Variants in LRFN5 observed in about 807,000 individuals in gnomAD.
LRFN5 encodes the protein leucine rich repeat and fibronectin type III domain containing 5, also known as leucine-rich repeat and fibronectin type-III domain-containing protein 5.
In LRFN5, 24 loss-of-function variants were observed where a neutral mutation model predicts 45.6. The ratio of observed to expected loss-of-function variants is 0.53; its 90% CI spans 0.38 to 0.74. The LOEUF is 0.74. Ranked by LOEUF, LRFN5 falls within the 30% of genes least tolerant of loss-of-function variation. The pLI is 0.00. For synonymous variants in LRFN5, 340 were observed against 313.8 expected, an observed-to-expected ratio of 1.08 and a Z score of -0.88; for missense variants, 776 against 861.5, an observed-to-expected ratio of 0.90 and a Z score of 1.24.
chr14:41,773,777 T>A (rs1886177931), intron 2 of LRFN5, among the ~76,000 whole-genome samples: 1 of 152,232 alleles, frequency 6.6e-6, no homozygotes, highest in Non-Finnish European at 1.5e-5. Flanking sequence ...ATATACTTAT[T>A]AGAAGTACCA....
chr14:41,685,209 T>G (rs1882068116), intron 1 of LRFN5, among the ~76,000 whole-genome samples: 1 of 152,122 alleles, frequency 6.6e-6, no homozygotes, highest in African/African-American at 2.4e-5. Flanking sequence ...GAAGGTAAAT[T>G]AGCACAAGTC....
intron 1 of LRFN5, among the ~76,000 whole-genome samples, chr14:41,686,740 C>G (rs1032204981): frequency 6.6e-6 from 1 of 151,708 alleles, no homozygotes; most frequent in African/African-American, 2.4e-5. Context: ...GTCATTGATT[C>G]TGTTTGTGTG....
chr14:41,719,073 T>G (rs1314055629), intron 1 of LRFN5, among the ~76,000 whole-genome samples: 2 of 152,166 alleles, frequency 1.3e-5, no homozygotes, highest in African/African-American at 4.8e-5. Flanking sequence ...TCATCACTTT[T>G]GTGAACTGTC....
intron 1 of LRFN5, among the ~76,000 whole-genome samples, chr14:41,741,402 A>G (rs942001343): frequency 6.6e-6 from 1 of 151,818 alleles, no homozygotes; most frequent in African/African-American, 2.4e-5. Context: ...AAACCTGACT[A>G]TTTAAGGTCA....
intron 1 of LRFN5, among the ~76,000 whole-genome samples, chr14:41,681,571 A>C (rs546569514): frequency 5.5e-4 from 84 of 151,886 alleles, no homozygotes; most frequent in Non-Finnish European, 1.0e-3. Context: ...GGGAGAAATA[A>C]AGACTTTCCC....
At chr14:41,737,045 C>A (rs1388567321) in intron 1 of LRFN5, among the ~76,000 whole-genome samples, 1 of 152,002 alleles carries the variant, frequency 6.6e-6, no homozygotes, top group Non-Finnish European at 1.5e-5. Flanking sequence ...AGAAACACAA[C>A]AAAGAAAGAA....
At chr14:41,834,702 C>T (rs1025438987) in intron 2 of LRFN5, among the ~76,000 whole-genome samples, 4 of 151,922 alleles carry the variant, frequency 2.6e-5, no homozygotes, top group Non-Finnish European at 5.9e-5. Context: ...CACTCTGTTG[C>T]CCAGGCTGGA....
At chr14:41,641,669 G>C (rs1421550899) in intron 1 of LRFN5, among the ~76,000 whole-genome samples, 1 of 151,994 alleles carries the variant, frequency 6.6e-6, no homozygotes. Flanking sequence ...CAGTAATAGA[G>C]ATCAGATCCA....
At chr14:41,857,675 T>C (rs1007236104) in intron 2 of LRFN5, among the ~76,000 whole-genome samples, 1 of 152,224 alleles carries the variant, frequency 6.6e-6, no homozygotes, top group Non-Finnish European at 1.5e-5. Flanking sequence ...ACACATACTC[T>C]GGACTTGTTC....
At chr14:41,654,019 AG>A (rs1194584424) in intron 1 of LRFN5, among the ~76,000 whole-genome samples, 1 of 151,958 alleles carries the variant, frequency 6.6e-6, no homozygotes, top group Non-Finnish European at 1.5e-5. Context: ...GGGCACAGGA[AG>A]GGGAACATCA....
intron 1 of LRFN5, among the ~76,000 whole-genome samples, chr14:41,755,309 C>T (rs1885324122): frequency 6.6e-6 from 1 of 152,124 alleles, no homozygotes; most frequent in African/African-American, 2.4e-5. Flanking sequence ...AGTTAAGTTC[C>T]TGGATATCCT....
chr14:41,620,784 G>C (rs1342708742), intron 1 of LRFN5, among the ~76,000 whole-genome samples: 1 of 151,564 alleles, frequency 6.6e-6, no homozygotes, highest in Non-Finnish European at 1.5e-5. Context: ...TCAATTCTAA[G>C]TGTTGTCTGT....
At position 41,665,709 on chromosome 14, in the gene LRFN5, AG is replaced by A. The variant is rs530264824; in HGVS notation, c.-197+57149del. Among the ~76,000 whole-genome samples, 701 of 152,176 alleles carry A rather than the reference AG, an allele frequency of 4.6e-3. 6 individuals are homozygous for A. Among genetic ancestry groups the A allele is most frequent in the Non-Finnish European group, 7.6e-3 (518 of 67,936 alleles). ...ATCTCTTATTTCAAAAGCTACTACT[AG>A]GATAAAGTTAAAACTCCATACGTAG... On this transcript the variant is annotated intron_variant, in intron 1 of 5. Transcript: ENST00000298119.
In LRFN5 at chr14:41,784,631, T is replaced by G. The variant is rs377481786; in HGVS notation, c.-21+17602T>G. Reference sequence around the variant, plus strand: ...AGCCTGTGTGTGTATGTGTGTGTGTTTGTGTGTGTGTGTGTGTGACAGAGT... The same window carrying G: ...AGCCTGTGTGTGTATGTGTGTGTGTGTGTGTGTGTGTGTGTGTGACAGAGT... On this transcript the variant is annotated intron_variant, in intron 2 of 5. Transcript: ENST00000298119. Among the ~76,000 whole-genome samples, 8 of 150,734 alleles carry G rather than the reference T, an allele frequency of 5.3e-5. No individual in the cohort carries two copies. In the South Asian group the frequency reaches 1.3e-3, roughly 24 times the overall value.
chr14:41,861,708 T>A (rs1299486657), intron 2 of LRFN5, among the ~76,000 whole-genome samples: 3 of 152,210 alleles, frequency 2.0e-5, no homozygotes, highest in Non-Finnish European at 4.4e-5. Context: ...TGAGATACGT[T>A]AATTTTAAAG....
chr14:41,901,067 C>A (rs113389652), intron 5 of LRFN5, among the ~76,000 whole-genome samples: 21 of 151,850 alleles, frequency 1.4e-4, no homozygotes, highest in Admixed American at 1.2e-3. Flanking sequence ...TTTTTAGAAG[C>A]CTTTAGGAAT....
At chr14:41,788,463 T>A (rs1287912417) in intron 2 of LRFN5, among the ~76,000 whole-genome samples, 3 of 152,098 alleles carry the variant, frequency 2.0e-5, no homozygotes, top group Admixed American at 6.6e-5. Context: ...TGTTTCCAGT[T>A]GAATGCAATT....
At chr14:41,823,439 A>ATATCTATATCTG (rs1199600114) in intron 2 of LRFN5, among the ~76,000 whole-genome samples, 1 of 151,088 alleles carries the variant, frequency 6.6e-6, no homozygotes, top group African/African-American at 2.4e-5. Flanking sequence ...ATCTATATCT[A>ATATCTATATCTG]TATTTGATTT....
At chr14:41,816,860 ATCTT>A (rs1275764265) in intron 2 of LRFN5, among the ~76,000 whole-genome samples, 4 of 151,946 alleles carry the variant, frequency 2.6e-5, no homozygotes, top group Non-Finnish European at 4.4e-5. Flanking sequence ...AATATTTACT[ATCTT>A]TCTTTCTCTT....
Sources: allele counts gnomAD v4.1 joint callset (sites outside exome capture counted in the v4.1 genomes callset), GRCh38; gene constraint gnomAD v4.1.1; transcripts MANE v1.5; gene names NCBI Gene and HGNC (gene_info 2026-07-23, HGNC 2026-07-21).